The following FHOD3 variants were observed in gnomAD, a reference collection of about 807,000 sequenced individuals.
FHOD3 encodes formin homology 2 domain containing 3, also known as FH1/FH2 domain-containing protein 3.
FHOD3 carries 90 observed loss-of-function variants against 173.0 expected under a neutral mutation model. That is an observed-to-expected ratio of 0.52 (90% CI 0.44 to 0.62). The LOEUF (loss-of-function observed/expected upper bound fraction) is 0.62. Ranked by LOEUF, FHOD3 falls within the 20% of genes least tolerant of loss-of-function variation. The pLI, the probability that FHOD3 is intolerant of heterozygous loss-of-function variation, is 0.00. For missense variants in FHOD3, 1,945 were observed against 2,034.7 expected (o/e 0.96, Z 0.85); for synonymous variants, 828 against 823.0 (o/e 1.01, Z -0.10).
intron 3 of FHOD3, among the ~76,000 whole-genome samples, chr18:36,451,675 G>T (rs144881626): frequency 6.6e-6 from 1 of 152,192 alleles, no homozygotes; most frequent in African/African-American, 2.4e-5. Flanking sequence ...AACCTGGCAG[G>T]AACAGAGCCC....
chr18:36,572,687 T>G (rs1326739234), intron 5 of FHOD3, among the ~76,000 whole-genome samples: 1 of 151,368 alleles, frequency 6.6e-6, no homozygotes, highest in Non-Finnish European at 1.5e-5. Flanking sequence ...AATAGTGTCC[T>G]GGCTTCTTGG....
intron 5 of FHOD3, among the ~76,000 whole-genome samples, chr18:36,563,408 C>A (rs983141197): frequency 2.0e-5 from 3 of 152,170 alleles, no homozygotes; most frequent in African/African-American, 7.2e-5. Context: ...TACCTTGGAA[C>A]TGGGAGTTTT....
At chr18:36,373,201 A>C (rs1487652296) in intron 3 of FHOD3, among the ~76,000 whole-genome samples, 1 of 152,192 alleles carries the variant, frequency 6.6e-6, no homozygotes. Context: ...GCTCTTAAGC[A>C]AGCAAACATA....
At chr18:36,574,584 G>A (rs959670628) in intron 5 of FHOD3, among the ~76,000 whole-genome samples, 3 of 152,056 alleles carry the variant, frequency 2.0e-5, no homozygotes, top group African/African-American at 7.2e-5. Flanking sequence ...ATTAGGATGA[G>A]AAATGTGATT....
intron 28 of FHOD3, 179 bp from the exon 29 acceptor site, chr18:36,779,269 T>C (rs911479192): frequency 5.0e-6 from 3 of 594,792 alleles, no homozygotes; most frequent in Non-Finnish European, 3.0e-6. Context: ...ACTTTTGTCC[T>C]GGCAGACAGA....
At chr18:36,465,122 G>A (rs76169785) in intron 3 of FHOD3, among the ~76,000 whole-genome samples, 17,798 of 152,196 alleles carry the variant, frequency 0.12, 1,404 homozygotes, top group East Asian at 0.29. Context: ...CAGGACAAGA[G>A]TTCGAGACCA....
At chr18:36,342,828 A>T (rs1046438358) in intron 1 of FHOD3, among the ~76,000 whole-genome samples, 1 of 152,240 alleles carries the variant, frequency 6.6e-6, no homozygotes, top group Admixed American at 6.5e-5. Flanking sequence ...CTGAACAACA[A>T]AGACCAATAG....
At chr18:36,420,145 G>A (rs964630808) in intron 3 of FHOD3, among the ~76,000 whole-genome samples, 2 of 152,184 alleles carry the variant, frequency 1.3e-5, no homozygotes, top group Non-Finnish European at 2.9e-5. Context: ...CCTTACAGTT[G>A]TACTGGATTC....
At chr18:36,609,447 A>G (rs1350691884) in intron 8 of FHOD3, among the ~76,000 whole-genome samples, 1 of 152,088 alleles carries the variant, frequency 6.6e-6, no homozygotes, top group African/African-American at 2.4e-5. Flanking sequence ...TGAGTGGCAG[A>G]AGGCCATCAT....
chr18:36,298,759 G>GT (rs35661851), intron 1 of FHOD3, among the ~76,000 whole-genome samples: 5,405 of 146,290 alleles, frequency 0.037, 293 homozygotes, highest in African/African-American at 0.13. Context: ...CGTTAGAGAG[G>GT]TTTTTTTTTT....
At chr18:36,391,851 C>T (rs2048314568) in intron 3 of FHOD3, among the ~76,000 whole-genome samples, 1 of 152,156 alleles carries the variant, frequency 6.6e-6, no homozygotes, top group South Asian at 2.1e-4. Flanking sequence ...GTTGGTGCCT[C>T]CCCTGTGTCT....
chr18:36,661,053 GT>G (rs1216410016), intron 14 of FHOD3, among the ~76,000 whole-genome samples: 2 of 151,956 alleles, frequency 1.3e-5, no homozygotes, highest in Non-Finnish European at 2.9e-5. Flanking sequence ...CAGATGTGCA[GT>G]TTTATTAAGA....
chr18:36,678,619 C>T (rs2038031546), intron 14 of FHOD3, among the ~76,000 whole-genome samples: 1 of 149,398 alleles, frequency 6.7e-6, no homozygotes, highest in South Asian at 2.1e-4. Flanking sequence ...CAAATACCCA[C>T]TGTCAGATTA....
chr18:36,625,654 G>T lies in FHOD3; in HGVS notation c.1101G>T (p.Val367=), dbSNP rs746849362. Residue 367 remains valine (V), a synonymous_variant, in exon 10 of 29, where the codon GTG becomes GTT. Transcript: ENST00000590592. ...GCAGAAGGAGCCGCAGGCACTCGGT[G>T]CAGAGCATCAAGAGCACCCTGTCGG... The part of the protein sequence containing the change: ...LDRRRSRRHS[V]QSIKSTLSAP... 3 of 1,612,330 alleles carry T rather than the reference G, an allele frequency of 1.9e-6. No homozygotes were observed. In the East Asian group the frequency reaches 6.7e-5, roughly 36 times the overall value.
intron 3 of FHOD3, among the ~76,000 whole-genome samples, chr18:36,496,177 C>T (rs2054734766): frequency 6.6e-6 from 1 of 152,176 alleles, no homozygotes; most frequent in Non-Finnish European, 1.5e-5. Flanking sequence ...CAGAGGACAC[C>T]TCACATGGCA....
At chr18:36,379,193 A>T (rs1020970988) in intron 3 of FHOD3, among the ~76,000 whole-genome samples, 2 of 152,220 alleles carry the variant, frequency 1.3e-5, no homozygotes, top group African/African-American at 4.8e-5. Context: ...CACACTTGTG[A>T]GAGAGAGGTA....
chr18:36,394,315 A>G (rs764042966), intron 3 of FHOD3, among the ~76,000 whole-genome samples: 2 of 152,202 alleles, frequency 1.3e-5, no homozygotes, highest in African/African-American at 2.4e-5. Context: ...AGACATTGAG[A>G]TTTTTACTTT....
chr18:36,359,808 T>A (rs962232972), intron 2 of FHOD3, among the ~76,000 whole-genome samples: 1 of 152,188 alleles, frequency 6.6e-6, no homozygotes, highest in Non-Finnish European at 1.5e-5. Flanking sequence ...TAATACTGCC[T>A]CTTTGGGTTG....
At chr18:36,719,008 A>T (rs924627002) in intron 19 of FHOD3, among the ~76,000 whole-genome samples, 2 of 152,262 alleles carry the variant, frequency 1.3e-5, no homozygotes, top group Non-Finnish European at 2.9e-5. Flanking sequence ...AAGGAATGTC[A>T]GCATAGCCCA....
Sources: allele counts gnomAD v4.1 joint callset (sites outside exome capture counted in the v4.1 genomes callset), GRCh38; gene constraint gnomAD v4.1.1; transcripts MANE v1.5; gene names NCBI Gene and HGNC (gene_info 2026-07-23, HGNC 2026-07-21).